COL13A1: variants seen among roughly 807,000 people sequenced by gnomAD.
The protein encoded by COL13A1 is collagen alpha-1(XIII) chain.
In COL13A1, 89 loss-of-function variants were observed where a neutral mutation model predicts 130.9. The ratio of observed to expected loss-of-function variants is 0.68; its 90% CI spans 0.57 to 0.81. The LOEUF (loss-of-function observed/expected upper bound fraction) is 0.81. COL13A1 is among the 30% of genes least tolerant of loss of function. The probability of loss-of-function intolerance (pLI) is 0.00; values close to 1 mark genes in which losing one functional copy is unlikely to be tolerated. For synonymous variants in COL13A1, 402 were observed against 341.6 expected, an observed-to-expected ratio of 1.18 and a Z score of -1.95; for missense variants, 879 against 934.6, an observed-to-expected ratio of 0.94 and a Z score of 0.78.
chr10:69,946,492 A>G (rs914765397), intron 37 of COL13A1, among the ~76,000 whole-genome samples: 8 of 152,214 alleles, frequency 5.3e-5, no homozygotes, highest in Admixed American at 3.9e-4. Context: ...CCCGCACTTT[A>G]GTTTCCCATC....
At chr10:69,924,029 C>CA (rs563335238) in intron 24 of COL13A1, among the ~76,000 whole-genome samples, 174 bp downstream of exon 24, 367 of 152,324 alleles carry the variant, frequency 2.4e-3, no homozygotes, top group African/African-American at 8.3e-3. Flanking sequence ...ACTGAGACAG[C>CA]AGTCATGCAA....
At chr10:69,817,030 A>G (rs1433152277) in intron 1 of COL13A1, among the ~76,000 whole-genome samples, 2 of 152,240 alleles carry the variant, frequency 1.3e-5, no homozygotes, top group Non-Finnish European at 2.9e-5. Flanking sequence ...AGCTAAATCC[A>G]GCTTGCAGCC....
At chr10:69,838,488 C>T (rs1478956323) in intron 2 of COL13A1, among the ~76,000 whole-genome samples, 2 of 152,198 alleles carry the variant, frequency 1.3e-5, no homozygotes, top group Admixed American at 1.3e-4. Flanking sequence ...ATGTAAAGCA[C>T]GTGGTACAGT....
chr10:69,894,534 T>C lies in COL13A1; in HGVS notation c.604-18T>C. 6.2e-7 allele frequency: 1 copy of C among 1,613,718 alleles called. No individual in the cohort carries two copies. On this transcript the variant is annotated intron_variant, in intron 10 of 40. Coordinates refer to ENST00000645393, the MANE Select transcript of COL13A1 (RefSeq NM_001368882.1). The stretch of plus-strand genomic sequence containing the variant: ...TCTTCTGTCTGCCCACTGACCTGTG[T>C]GTGTTTGCTTCCCACAGGGTCTGAC...
At position 69,802,504 on chromosome 10, in the gene COL13A1, T is replaced by C. The variant is rs1840275718; in HGVS notation, c.81T>C (p.Ala27=). 1 of 1,545,744 alleles carries C rather than the reference T, an allele frequency of 6.5e-7. No homozygotes were observed. Among genetic ancestry groups the C allele is most frequent in the Non-Finnish European group, 8.7e-7 (1 of 1,148,718 alleles). ...PGELGAPGTV[A]LVAARAERGA... is the part of the protein sequence containing the mutation. ...AGTTGGGCGCGCCCGGGACGGTGGC[T>C]CTGGTGGCGGCGCGGGCGGAGCGCG... Residue 27 remains alanine, a synonymous_variant, in exon 1 of 41, where the codon GCT becomes GCC. Coordinates refer to ENST00000645393, the MANE Select transcript of COL13A1 (RefSeq NM_001368882.1).
chr10:69,830,861 A>C (rs1848656360), intron 2 of COL13A1, among the ~76,000 whole-genome samples: 1 of 152,128 alleles, frequency 6.6e-6, no homozygotes, highest in Non-Finnish European at 1.5e-5. Flanking sequence ...CGTCCCAAAA[A>C]AGAAACCCCA....
intron 14 of COL13A1, among the ~76,000 whole-genome samples, chr10:69,899,992 A>G (rs2135036616): frequency 6.6e-6 from 1 of 152,304 alleles, no homozygotes; most frequent in African/African-American, 2.4e-5. Flanking sequence ...ATACAGAGGG[A>G]CACGTGACTC....
intron 2 of COL13A1, among the ~76,000 whole-genome samples, chr10:69,831,876 T>C (rs1848894639): frequency 6.6e-6 from 1 of 152,144 alleles, no homozygotes; most frequent in African/African-American, 2.4e-5. Context: ...TGTGGATGGG[T>C]TACTCTCTTG....
At chr10:69,898,218 G>A (rs192133687) in intron 13 of COL13A1, among the ~76,000 whole-genome samples, 14 of 152,252 alleles carry the variant, frequency 9.2e-5, no homozygotes, top group East Asian at 1.9e-4. Flanking sequence ...CCAATTTCAC[G>A]GGCCCGGTGG....
intron 1 of COL13A1, among the ~76,000 whole-genome samples, chr10:69,816,203 G>A (rs1283742348): frequency 1.4e-5 from 2 of 147,880 alleles, no homozygotes; most frequent in Admixed American, 1.4e-4. Context: ...TCATGGAGGT[G>A]GTGAGAAGGG....
intron 13 of COL13A1, among the ~76,000 whole-genome samples, chr10:69,896,586 C>T (rs1398923956): frequency 1.3e-5 from 2 of 152,188 alleles, no homozygotes; most frequent in African/African-American, 2.4e-5. Flanking sequence ...AAGCCAGGCT[C>T]AGTGCCAGCT....
intron 25 of COL13A1, 135 bp from the exon 26 acceptor site, chr10:69,925,669 G>C (rs982133658): frequency 1.2e-5 from 8 of 646,120 alleles, no homozygotes; most frequent in Admixed American, 2.6e-5. Context: ...AGAATCCCCA[G>C]GGCCCCGCTG....
intron 32 of COL13A1, among the ~76,000 whole-genome samples, chr10:69,935,763 A>G (rs1440935490): frequency 6.6e-6 from 1 of 152,028 alleles, no homozygotes; most frequent in Non-Finnish European, 1.5e-5. Context: ...CCAATCTGGC[A>G]CTCTGGGAGG....
At chr10:69,821,512 A>AT (rs1343673999) in intron 1 of COL13A1, among the ~76,000 whole-genome samples, 1 of 152,234 alleles carries the variant, frequency 6.6e-6, no homozygotes, top group African/African-American at 2.4e-5. Flanking sequence ...CTATGCATTA[A>AT]TCTTTCTAAC....
chr10:69,906,101 AC>A (rs1285879667), intron 17 of COL13A1, among the ~76,000 whole-genome samples: 1 of 152,096 alleles, frequency 6.6e-6, no homozygotes, highest in Non-Finnish European at 1.5e-5. Flanking sequence ...TGCACAAATA[AC>A]CCCAGTGAAG....
At chr10:69,815,110 T>C (rs1844117638) in intron 1 of COL13A1, among the ~76,000 whole-genome samples, 1 of 152,192 alleles carries the variant, frequency 6.6e-6, no homozygotes, top group African/African-American at 2.4e-5. Flanking sequence ...ATTTTGTAGA[T>C]TCCCCCTGAA....
chr10:69,911,988 C>A (rs1392813591), intron 17 of COL13A1, among the ~76,000 whole-genome samples: 1 of 152,228 alleles, frequency 6.6e-6, no homozygotes, highest in Non-Finnish European at 1.5e-5. Context: ...CAGATGGAAG[C>A]CCTAGATGCA....
rs765457334 is a variant in COL13A1 at position 69,875,120 on chromosome 10, A to T, written c.400-8A>T. 1.9e-6 allele frequency: 3 copies of T among 1,613,934 alleles called. No homozygotes were observed. Among genetic ancestry groups the T allele is most frequent in the Non-Finnish European group, 2.5e-6 (3 of 1,179,874 alleles). On this transcript the variant is annotated splice_polypyrimidine_tract_variant and splice_region_variant and intron_variant, in intron 4 of 40. Coordinates refer to ENST00000645393, the MANE Select transcript of COL13A1 (RefSeq NM_001368882.1). Reference sequence around the variant, plus strand: ...ACATCTGACTGTTTCTGCCTCCTTCATCATCAGGGGGACAAAGGTGCCATT... The same window carrying T: ...ACATCTGACTGTTTCTGCCTCCTTCTTCATCAGGGGGACAAAGGTGCCATT...
At chr10:69,939,369 A>C (rs752625398) in intron 34 of COL13A1, among the ~76,000 whole-genome samples, 2 of 152,234 alleles carry the variant, frequency 1.3e-5, no homozygotes, top group Non-Finnish European at 2.9e-5. Flanking sequence ...ATTTTCTAAT[A>C]TTAGATCAAA....
Sources: allele counts gnomAD v4.1 joint callset (sites outside exome capture counted in the v4.1 genomes callset), GRCh38; gene constraint gnomAD v4.1.1; transcripts MANE v1.5; gene names NCBI Gene and HGNC (gene_info 2026-07-23, HGNC 2026-07-21).